LRP1B: variants seen among roughly 807,000 people sequenced by gnomAD.
The protein encoded by LRP1B is LDL receptor related protein 1B, also known as low-density lipoprotein receptor-related protein 1B.
A neutral mutation model predicts 556.6 loss-of-function variants in LRP1B; 217 were observed. The ratio of observed to expected loss-of-function variants is 0.39; its 90% CI spans 0.35 to 0.44. LRP1B has a LOEUF of 0.44. LRP1B is among the 20% of genes least tolerant of loss of function. The pLI is 1.00. For synonymous variants in LRP1B, 2,047 were observed against 1,865.8 expected, an observed-to-expected ratio of 1.10 and a Z score of -2.50; for missense variants, 5,053 against 5,620.8, an observed-to-expected ratio of 0.90 and a Z score of 3.23.
chr2:142,047,808 A>G (rs1704312752), intron 1 of LRP1B, among the ~76,000 whole-genome samples: 1 of 152,090 alleles, frequency 6.6e-6, no homozygotes, highest in African/African-American at 2.4e-5. Flanking sequence ...GATCCAGGAC[A>G]ATGCCAAGGT....
rs144068813 is a variant in LRP1B at position 142,094,032 on chromosome 2, T to G, written c.82+36616A>C. On this transcript the variant is annotated intron_variant, in intron 1 of 90. Coordinates refer to ENST00000389484, the MANE Select transcript of LRP1B (RefSeq NM_018557.3). ...AGCAGATGTTGTCTGCTGAGAGACA[T>G]CTTCCAATTCATAGATGTCATCTTC... Among the ~76,000 whole-genome samples the G allele has an allele frequency of 2.9e-3, 441 of 152,184 alleles. 1 individual carries two copies. Among genetic ancestry groups the G allele is most frequent in the East Asian group, 0.021 (108 of 5,158 alleles).
At chr2:140,809,989 C>G (rs1249350187) in intron 32 of LRP1B, among the ~76,000 whole-genome samples, 1 of 152,094 alleles carries the variant, frequency 6.6e-6, no homozygotes, top group Non-Finnish European at 1.5e-5. Context: ...TGAGACAGTA[C>G]CCACACTCAA....
At chr2:141,740,910 C>G (rs559061763) in intron 2 of LRP1B, among the ~76,000 whole-genome samples, 1 of 152,144 alleles carries the variant, frequency 6.6e-6, no homozygotes, top group Non-Finnish European at 1.5e-5. Flanking sequence ...CCCCCTACCC[C>G]CCAACCCACT....
intron 66 of LRP1B, among the ~76,000 whole-genome samples, chr2:140,393,018 C>T (rs1452718052): frequency 6.6e-6 from 1 of 151,982 alleles, no homozygotes; most frequent in Non-Finnish European, 1.5e-5. Context: ...CAACCTCGAC[C>T]TCCTGGACTC....
chr2:141,019,638 G>C (rs769129731), intron 12 of LRP1B, among the ~76,000 whole-genome samples: 2 of 151,768 alleles, frequency 1.3e-5, no homozygotes, highest in Non-Finnish European at 2.9e-5. Flanking sequence ...TATTTATCTT[G>C]GTGTCAGGCT....
chr2:140,903,403 T>A lies in LRP1B; in HGVS notation c.3521-238A>T, dbSNP rs181257852. 7.2e-5 allele frequency among the ~76,000 whole-genome samples: 11 copies of A among 152,260 alleles called. No individual in the cohort carries two copies. In the East Asian group the frequency reaches 2.1e-3, roughly 29 times the overall value. On this transcript the variant is annotated intron_variant, in intron 22 of 90. Transcript: ENST00000389484. The stretch of plus-strand genomic sequence containing the variant: ...ATTGTAAATGGAAGATTTTCATTTC[T>A]ATAAAACTTGGGAGTATAGTTTGCT...
rs1181659892 is a variant in LRP1B at position 141,096,619 on chromosome 2, GGGGAGA to G, written c.1014-34352_1014-34347del. ...GCACCCTAGCCTGAATGACAAAGAC[GGGGAGA>G]GGGGGAGAGAGAGAGAGAGAGAGAG... is the stretch of plus-strand genomic sequence containing the variant. On this transcript the variant is annotated intron_variant, in intron 7 of 90. Transcript: ENST00000389484. Among the ~76,000 whole-genome samples the G allele has an allele frequency of 6.5e-4, 22 of 34,014 alleles. 1 individual carries two copies. The highest frequency in any genetic ancestry group is 2.2e-3 in the African/African-American group (21 of 9,618). 22.3% of individuals were successfully genotyped at this position (34,014 alleles called of 152,430 possible).
At chr2:141,700,641 T>C (rs1171181080) in intron 2 of LRP1B, among the ~76,000 whole-genome samples, 1 of 151,746 alleles carries the variant, frequency 6.6e-6, no homozygotes, top group South Asian at 2.1e-4. Context: ...CCCCGAAGGC[T>C]AGCCATAGAA....
chr2:141,525,066 CT>C (rs1684651749), intron 2 of LRP1B, among the ~76,000 whole-genome samples: 1 of 151,826 alleles, frequency 6.6e-6, no homozygotes, highest in South Asian at 2.1e-4. Context: ...TTTTTTGACT[CT>C]GAAATACATT....
intron 6 of LRP1B, among the ~76,000 whole-genome samples, chr2:141,194,609 C>T (rs772951577): frequency 1.2e-4 from 18 of 152,094 alleles, no homozygotes; most frequent in Non-Finnish European, 2.2e-4. Context: ...TCAGCCAAAC[C>T]TATCTGCAAC....
chr2:141,957,197 T>C (rs1701276899), intron 1 of LRP1B, among the ~76,000 whole-genome samples: 1 of 151,958 alleles, frequency 6.6e-6, no homozygotes, highest in Admixed American at 6.6e-5. Context: ...AATCAAGAAA[T>C]CTGGGCTTGG....
chr2:141,273,535 AAAAT>A (rs1321408766), intron 3 of LRP1B, among the ~76,000 whole-genome samples: 1 of 152,212 alleles, frequency 6.6e-6, no homozygotes, highest in Admixed American at 6.5e-5. Flanking sequence ...ACATGCAAAA[AAAAT>A]AAAGTTGGAA....
Position 141,040,381 on chromosome 2 carries a change from C to A in LRP1B, c.1789+8605G>T, listed in dbSNP as rs187333268. On this transcript the variant is annotated intron_variant, in intron 11 of 90. Coordinates refer to ENST00000389484, the MANE Select transcript of LRP1B (RefSeq NM_018557.3). ...TCTCAGCATGTTTGCTTCATTACTA[C>A]GAAACTCAATCTTTATGAGAAATCC... Among the ~76,000 whole-genome samples, 6 of 152,112 alleles carry A rather than the reference C, an allele frequency of 3.9e-5. No individual in the cohort carries two copies. In the East Asian group the frequency reaches 9.7e-4, roughly 25 times the overall value.
rs1574049223 is a variant in LRP1B at position 141,076,247 on chromosome 2, G to T, written c.1014-13974C>A. Among the ~76,000 whole-genome samples, 4 of 152,292 alleles carry T rather than the reference G, an allele frequency of 2.6e-5. No individual in the cohort carries two copies. In the South Asian group the frequency reaches 8.3e-4, roughly 32 times the overall value. ...TGTCCTCACTCCACTGGCAAAACAT[G>T]CATTTTGATAATTGCAGATGCTTCT... On this transcript the variant is annotated intron_variant, in intron 7 of 90. Transcript: ENST00000389484.
chr2:141,306,864 C>T (rs1400837353), intron 3 of LRP1B, among the ~76,000 whole-genome samples: 2 of 151,948 alleles, frequency 1.3e-5, no homozygotes, highest in African/African-American at 4.8e-5. Context: ...GCCTTTGACC[C>T]AGGGGTCACT....
chr2:140,885,857 A>T (rs1693622063), intron 24 of LRP1B, among the ~76,000 whole-genome samples: 1 of 151,094 alleles, frequency 6.6e-6, no homozygotes. Context: ...ATGGTATGTA[A>T]CAACCAGTCT....
chr2:140,355,635 G>T (rs1209179140), intron 75 of LRP1B, among the ~76,000 whole-genome samples: 1 of 151,874 alleles, frequency 6.6e-6, no homozygotes, highest in Non-Finnish European at 1.5e-5. Flanking sequence ...AATTTAGCCT[G>T]GATAAGCCAG....
chr2:140,286,025 C>T (rs952061852), intron 84 of LRP1B, among the ~76,000 whole-genome samples: 9 of 151,836 alleles, frequency 5.9e-5, no homozygotes, highest in African/African-American at 2.2e-4. Context: ...TGACATATAA[C>T]ATGTTTGCAT....
chr2:141,048,889 G>C (rs1431815779), intron 11 of LRP1B, 97 bp downstream of exon 11: 2 of 900,528 alleles, frequency 2.2e-6, no homozygotes, highest in African/African-American at 3.3e-5. Context: ...AGAAGAACTT[G>C]AGTTCTGGTT....
Sources: allele counts gnomAD v4.1 joint callset (sites outside exome capture counted in the v4.1 genomes callset), GRCh38; gene constraint gnomAD v4.1.1; transcripts MANE v1.5; gene names NCBI Gene and HGNC (gene_info 2026-07-23, HGNC 2026-07-21).